The following CLSTN2 variants were observed in gnomAD, a reference collection of about 807,000 sequenced individuals.
The protein encoded by CLSTN2 is calsyntenin 2, also known as calsyntenin-2.
CLSTN2 carries 48 observed loss-of-function variants against 101.2 expected under a neutral mutation model. The ratio of observed to expected loss-of-function variants is 0.47; its 90% CI spans 0.38 to 0.60. CLSTN2 has a LOEUF of 0.60. Ranked by LOEUF, CLSTN2 falls within the 20% of genes least tolerant of loss-of-function variation. The pLI, the probability that CLSTN2 is intolerant of heterozygous loss-of-function variation, is 0.00. For synonymous variants in CLSTN2, 481 were observed against 463.6 expected, an observed-to-expected ratio of 1.04 and a Z score of -0.48; for missense variants, 1,160 against 1,238.2, an observed-to-expected ratio of 0.94 and a Z score of 0.95.
chr3:140,046,747 G>C (rs2007889536), intron 1 of CLSTN2, among the ~76,000 whole-genome samples: 1 of 152,140 alleles, frequency 6.6e-6, no homozygotes, highest in South Asian at 2.1e-4. Context: ...TGTCTGTAAA[G>C]GATTTTATTT....
At chr3:140,473,876 G>A (rs12639548) in intron 8 of CLSTN2, among the ~76,000 whole-genome samples, 12,312 of 152,104 alleles carry the variant, frequency 0.081, 649 homozygotes, top group East Asian at 0.12. Flanking sequence ...TCCTGCCTCA[G>A]CCTCCTGAGT....
At chr3:140,290,234 C>A (rs1051278789) in intron 2 of CLSTN2, among the ~76,000 whole-genome samples, 2 of 152,054 alleles carry the variant, frequency 1.3e-5, no homozygotes, top group African/African-American at 4.8e-5. Flanking sequence ...ACAGTTAGTT[C>A]AGTGAATAGT....
rs150961262 is a variant in CLSTN2, at chr3:139,959,373, C to T, written c.109+23890C>T. Reference sequence around the variant, plus strand: ...TTCCTCTCTTTGAGGTACATAGTGTCGTTAGTTTCTTCTTAGTTAAATCTT... The same window carrying T: ...TTCCTCTCTTTGAGGTACATAGTGTTGTTAGTTTCTTCTTAGTTAAATCTT... On this transcript the variant is annotated intron_variant, in intron 1 of 16. Transcript: ENST00000458420. Among the ~76,000 whole-genome samples, 55 of 152,290 alleles carry T rather than the reference C, an allele frequency of 3.6e-4. No homozygotes were observed. The East Asian group carries it at 0.01, about 28-fold the overall frequency.
At chr3:140,484,133 C>T (rs1324982207) in intron 8 of CLSTN2, among the ~76,000 whole-genome samples, 5 of 152,196 alleles carry the variant, frequency 3.3e-5, no homozygotes, top group Non-Finnish European at 7.3e-5. Flanking sequence ...GTGCTTCCTT[C>T]AGGAGCTCTT....
intron 1 of CLSTN2, among the ~76,000 whole-genome samples, chr3:140,012,884 T>A (rs1243008262): frequency 6.6e-6 from 1 of 152,140 alleles, no homozygotes; most frequent in African/African-American, 2.4e-5. Flanking sequence ...TGTATCTGAA[T>A]AGAAACAGCA....
At chr3:140,161,256 A>C (rs2010042301) in intron 1 of CLSTN2, among the ~76,000 whole-genome samples, 1 of 152,078 alleles carries the variant, frequency 6.6e-6, no homozygotes, top group South Asian at 2.1e-4. Context: ...CCTCCTAAAC[A>C]CTCTGAAAAT....
At chr3:140,278,126 A>G (rs1330546253) in intron 2 of CLSTN2, among the ~76,000 whole-genome samples, 1 of 152,226 alleles carries the variant, frequency 6.6e-6, no homozygotes, top group East Asian at 1.9e-4. Context: ...GCTTACGCCT[A>G]AACTCCTCTA....
At chr3:140,022,402 T>TG (rs1019630261) in intron 1 of CLSTN2, among the ~76,000 whole-genome samples, 2 of 152,200 alleles carry the variant, frequency 1.3e-5, no homozygotes, top group African/African-American at 4.8e-5. Flanking sequence ...AGTAAGGGTT[T>TG]GCAGAAGAGC....
At chr3:140,542,395 A>T (rs1488810797) in intron 9 of CLSTN2, among the ~76,000 whole-genome samples, 1 of 152,212 alleles carries the variant, frequency 6.6e-6, no homozygotes, top group Non-Finnish European at 1.5e-5. Flanking sequence ...ATCCAAAATC[A>T]TGTTTGCAAA....
chr3:139,938,007 C>T (rs186096735), intron 1 of CLSTN2, among the ~76,000 whole-genome samples: 1 of 152,122 alleles, frequency 6.6e-6, no homozygotes, highest in East Asian at 1.9e-4. Context: ...TAACAATGCA[C>T]TTGCATTTTA....
chr3:140,286,101 G>A (rs975461457), intron 2 of CLSTN2, among the ~76,000 whole-genome samples: 8 of 152,114 alleles, frequency 5.3e-5, no homozygotes, highest in African/African-American at 1.9e-4. Context: ...TGGAGCAAGA[G>A]CTTTGACTTT....
At chr3:140,319,364 G>T (rs1157878136) in intron 2 of CLSTN2, among the ~76,000 whole-genome samples, 5 of 152,138 alleles carry the variant, frequency 3.3e-5, no homozygotes, top group African/African-American at 1.2e-4. Context: ...GGCTGCCAGT[G>T]GTACTTGGGT....
chr3:140,266,706 C>T (rs2086696471), intron 2 of CLSTN2, among the ~76,000 whole-genome samples: 1 of 152,166 alleles, frequency 6.6e-6, no homozygotes, highest in South Asian at 2.1e-4. Context: ...CTCAGAAAAA[C>T]TATTGTTGGA....
At chr3:140,422,823 G>C in intron 5 of CLSTN2, among the ~76,000 whole-genome samples, 1 of 152,142 alleles carries the variant, frequency 6.6e-6, no homozygotes. Flanking sequence ...TCTCAAGCTT[G>C]GTGCAGTGTC....
chr3:140,543,280 C>G (rs941273433), intron 9 of CLSTN2, among the ~76,000 whole-genome samples: 1 of 152,122 alleles, frequency 6.6e-6, no homozygotes, highest in African/African-American at 2.4e-5. Flanking sequence ...CAGAGATGCC[C>G]TTTTGCTGGG....
rs34697359 is a variant in CLSTN2 at position 140,058,780 on chromosome 3, C to CA, written c.110-117158dup. On this transcript the variant is annotated intron_variant, in intron 1 of 16. Coordinates refer to ENST00000458420, the MANE Select transcript of CLSTN2 (RefSeq NM_022131.3). ...GTCTAGACACTATTGGGACCCATGA[C>CA]AAAAAAAAAAAAAGGTCAGGTGGGG... Among the ~76,000 whole-genome samples, 887 of 118,654 alleles carry CA rather than the reference C, an allele frequency of 7.5e-3. 6 individuals are homozygous for CA. The highest frequency in any genetic ancestry group is 0.017 in the African/African-American group (609 of 35,186). The allele number at this position is 118,654 out of a possible 152,430, so 77.8% of individuals were successfully genotyped here.
intron 2 of CLSTN2, among the ~76,000 whole-genome samples, chr3:140,345,975 A>G (rs1273313144): frequency 6.6e-6 from 1 of 152,196 alleles, no homozygotes; most frequent in Non-Finnish European, 1.5e-5. Flanking sequence ...CCATCGTCTC[A>G]GCTTACTGCA....
intron 2 of CLSTN2, among the ~76,000 whole-genome samples, chr3:140,332,134 G>A (rs939943045): frequency 2.0e-5 from 3 of 152,180 alleles, no homozygotes; most frequent in African/African-American, 7.2e-5. Context: ...GGGGGCCAGT[G>A]TCAACCTTGT....
chr3:140,483,953 C>A (rs59170001), intron 8 of CLSTN2, among the ~76,000 whole-genome samples: 1 of 151,910 alleles, frequency 6.6e-6, no homozygotes, highest in South Asian at 2.1e-4. Flanking sequence ...GAGCATTTAG[C>A]CCATTTACAT....
Sources: gnomAD v4.1 joint callset for allele counts (sites outside exome capture counted in the v4.1 genomes callset) on GRCh38, gnomAD v4.1.1 for gene constraint, MANE v1.5 for transcripts, NCBI Gene and HGNC (gene_info 2026-07-23, HGNC 2026-07-21) for gene names.